Variants in TNPO2 observed in about 807,000 individuals in gnomAD.
TNPO2 encodes the protein transportin-2.
Under a neutral mutation model 111.1 loss-of-function variants are expected in TNPO2, and 16 were observed. The observed-to-expected ratio is 0.14, with a 90% confidence interval of 0.10 to 0.22. The LOEUF (loss-of-function observed/expected upper bound fraction) is 0.22, where lower values mean the gene tolerates loss of function less well. Ranked by LOEUF, TNPO2 falls within the 10% of genes least tolerant of loss-of-function variation. The pLI, the probability that TNPO2 is intolerant of heterozygous loss-of-function variation, is 1.00. For missense variants in TNPO2, 530 were observed against 1,173.7 expected (o/e 0.45, Z 8.01); for synonymous variants, 481 against 475.8 (o/e 1.01, Z -0.14).
intron 3 of TNPO2, among the ~76,000 whole-genome samples, chr19:12,720,401 A>C (rs1322879753): frequency 6.6e-6 from 1 of 151,494 alleles, no homozygotes; most frequent in Non-Finnish European, 1.5e-5. Flanking sequence ...GCTCACCACA[A>C]CCTCTACCTC....
intron 18 of TNPO2, among the ~76,000 whole-genome samples, chr19:12,704,396 G>C (rs1036727608): frequency 3.3e-5 from 5 of 151,738 alleles, no homozygotes; most frequent in East Asian, 1.9e-4. Flanking sequence ...CGGTGGGGGG[G>C]GCATAGTGTT....
chr19:12,715,428 G>A lies in TNPO2; in HGVS notation c.543C>T (p.Phe181=), dbSNP rs1435223822. The A allele has an allele frequency of 6.2e-7, 1 of 1,613,960 alleles. No homozygotes were observed. Among genetic ancestry groups the A allele is most frequent in the Non-Finnish European group, 8.5e-7 (1 of 1,179,870 alleles). The change falls in exon 7 of 26, where the codon TTC becomes TTT. Residue 181 remains phenylalanine, a synonymous_variant. Transcript: ENST00000425528. The surrounding 1 kb of genome is among the most constrained non-coding windows in gnomAD (Gnocchi z 7.1). ...NIMIPKFLQF[F]KHCSPKIRSH... is the part of the protein sequence containing the mutation. ...ACCGGATCTTGGGACTGCAGTGCTT[G>A]AAGAACTGCAGGAACTTGGGGATCA...
At chr19:12,707,307 G>C (rs548430709) in intron 13 of TNPO2, among the ~76,000 whole-genome samples, 1 of 152,066 alleles carries the variant, frequency 6.6e-6, no homozygotes, top group Non-Finnish European at 1.5e-5. Context: ...AAAGAGCTCC[G>C]TGTTATTGCG....
rs1040871835 is a variant in TNPO2 at position 12,715,601 on chromosome 19, C to T, written c.432+32G>A. On this transcript the variant is annotated intron_variant, in intron 6 of 25. Transcript: ENST00000425528. This position sits in a 1 kb window ranked among gnomAD's most constrained non-coding sequence, Gnocchi z 7.1. ...GGGTGGTGGTCCCAGCCCCCCAGTA[C>T]TCGCTCTGGCCATCCATGGCTTCTT... The T allele has an allele frequency of 6.2e-7, 1 of 1,613,672 alleles. No homozygotes were observed. The highest frequency in any genetic ancestry group is 2.2e-5 in the East Asian group (1 of 44,878).
In TNPO2 at chr19:12,706,653, G is replaced by A. The variant is rs191575383; in HGVS notation, c.1413C>T (p.Pro471=). Residue 471 remains proline (P), a synonymous_variant, in exon 14 of 26, where the codon CCC becomes CCT. Coordinates refer to ENST00000425528, the MANE Select transcript of TNPO2 (RefSeq NM_001382241.1). This position sits in a 1 kb window ranked among gnomAD's most constrained non-coding sequence, Gnocchi z 7.0. ...RYAHWVVSQP[P]DMHLKPLMTE... ...TCATCAGGGGCTTGAGGTGCATGTC[G>A]GGTGGCTGGCTGACCACCCAGTGGG... The A allele has an allele frequency of 5.7e-5, 92 of 1,613,918 alleles. No homozygotes were observed. The African/African-American group carries it at 6.0e-4, about 11-fold the overall frequency.
At position 12,708,588 on chromosome 19, in the gene TNPO2, C is replaced by T. The variant is rs186351283; in HGVS notation, c.1271-1793G>A. Among the ~76,000 whole-genome samples, 52 of 151,976 alleles carry T rather than the reference C, an allele frequency of 3.4e-4. No homozygotes were observed. The East Asian group carries it at 6.6e-3, about 19-fold the overall frequency. ...TTTACCATAAACATGTAATACAGGC[C>T]GGGTGCGGTGGCTCACGCCTGTAAT... is the stretch of plus-strand genomic sequence containing the variant. On this transcript the variant is annotated intron_variant, in intron 13 of 25. Coordinates refer to ENST00000425528, the MANE Select transcript of TNPO2 (RefSeq NM_001382241.1).
chr19:12,716,075 T>G (rs763134296), intron 5 of TNPO2, among the ~76,000 whole-genome samples: 19 of 152,082 alleles, frequency 1.2e-4, no homozygotes, highest in Non-Finnish European at 2.5e-4. Flanking sequence ...CTCACTATGT[T>G]GCCCAGGCTG....
At chr19:12,723,743 GGA>G (rs1178954512) in intron 1 of TNPO2, 24 bp downstream of exon 1, 3 of 152,194 alleles carry the variant, frequency 2.0e-5, no homozygotes, top group African/African-American at 7.2e-5. Context: ...CCTGCCTGAA[GGA>G]GGGGAACAGC....
chr19:12,710,519 G>A lies in TNPO2; in HGVS notation c.1270+102C>T, dbSNP rs371515363. 2.0e-4 allele frequency: 266 copies of A among 1,363,380 alleles called. 1 individual carries two copies. In the South Asian group the frequency reaches 3.5e-3, roughly 18 times the overall value. The allele number at this position is 1,363,380 out of a possible 1,614,324, so 84.5% of individuals were successfully genotyped here. On this transcript the variant is annotated intron_variant, in intron 13 of 25. Coordinates refer to ENST00000425528, the MANE Select transcript of TNPO2 (RefSeq NM_001382241.1). ...ATCTCAGAGCTGTTTGGAGTGGGGT[G>A]AGTAGGCCTCCAGGGAGAACTGAGG...
rs754946490 is a variant in TNPO2 at position 12,699,323 on chromosome 19, G to A, written c.*1941C>T. 19 of 421,698 alleles carry A rather than the reference G, an allele frequency of 4.5e-5. No individual in the cohort carries two copies. The highest frequency in any genetic ancestry group is 2.0e-4 in the South Asian group (12 of 58,964). 26.1% of individuals were successfully genotyped at this position (421,698 alleles called of 1,614,324 possible). A position where few individuals can be genotyped will look rare whatever the true frequency, so the allele number is the denominator to read the frequency against. Reference sequence around the variant, plus strand: ...CAGACCCGGGAGCCCGCAGGGGGAAGAGGGTGAGGAGGGAAAGAGGGACTG... The same window carrying A: ...CAGACCCGGGAGCCCGCAGGGGGAAAAGGGTGAGGAGGGAAAGAGGGACTG... On this transcript the variant is annotated 3_prime_UTR_variant, in exon 26 of 26. Transcript: ENST00000425528.
At chr19:12,703,125 G>A (rs1286314033) in intron 20 of TNPO2, 1 of 591,544 alleles carries the variant, frequency 1.7e-6, no homozygotes, top group Non-Finnish European at 3.0e-6. Context: ...AAACAACAGA[G>A]GCTTCTCTGG....
At chr19:12,718,014 G>GT (rs962831259) in intron 5 of TNPO2, among the ~76,000 whole-genome samples, 1 of 150,886 alleles carries the variant, frequency 6.6e-6, no homozygotes, top group East Asian at 2.0e-4. Context: ...ATTTTATTTA[G>GT]TTTTTTTTGA....
rs1040077381 is a variant in TNPO2, at chr19:12,705,736, G to A, written c.1701C>T (p.Ile567=). 1.4e-6 allele frequency: 2 copies of A among 1,476,178 alleles called. No homozygotes were observed. Among genetic ancestry groups the A allele is most frequent in the Non-Finnish European group, 1.8e-6 (2 of 1,109,378 alleles). The allele number at this position is 1,476,178 out of a possible 1,614,324, so 91.4% of individuals were successfully genotyped here. A position where few individuals can be genotyped will look rare whatever the true frequency, so the allele number is the denominator to read the frequency against. The change falls in exon 16 of 26, where the codon ATC becomes ATT. Residue 567 remains isoleucine (I), a synonymous_variant. Coordinates refer to ENST00000425528, the MANE Select transcript of TNPO2 (RefSeq NM_001382241.1). The surrounding 1 kb of genome is among the most constrained non-coding windows in gnomAD (Gnocchi z 7.2). The part of the protein sequence containing the change: ...EYIQKLMPPL[I]QKWNELKDED... ...CGTCCTTGAGCTCATTCCACTTCTGGATCAGTGGGGGCATCAGCTTCTGGA... is the reference window on the plus strand; with the variant it reads ...CGTCCTTGAGCTCATTCCACTTCTGAATCAGTGGGGGCATCAGCTTCTGGA...
rs1485186285 is a variant in TNPO2, at chr19:12,702,391, T to TG, written c.2306-215_2306-214insC. The TG allele has an allele frequency of 3.7e-5, 25 of 681,546 alleles. No homozygotes were observed. In the African/African-American group the frequency reaches 3.8e-4, roughly 10 times the overall value. 42.2% of individuals were successfully genotyped at this position (681,546 alleles called of 1,614,324 possible). A position where few individuals can be genotyped will look rare whatever the true frequency, so the allele number is the denominator to read the frequency against. On this transcript the variant is annotated intron_variant, in intron 21 of 25. Coordinates refer to ENST00000425528, the MANE Select transcript of TNPO2 (RefSeq NM_001382241.1). The surrounding 1 kb of genome is among the most constrained non-coding windows in gnomAD (Gnocchi z 5.5). Reference sequence around the variant, plus strand: ...TTTCCTTTCCCTTTCCTTTTTGTTTTTTTTTGTTTTGTTTTGTTTTTGAGA... The same window carrying TG: ...TTTCCTTTCCCTTTCCTTTTTGTTTTGTTTTTGTTTTGTTTTGTTTTTGAGA...
Position 12,715,833 on chromosome 19 carries a change from T to G in TNPO2, c.326-94A>C. The stretch of plus-strand genomic sequence containing the variant: ...GGACACCCCCAGTGCTGCCTTTCTG[T>G]TCCCTAGCCCATGTACGCCCTCTAC... On this transcript the variant is annotated intron_variant, in intron 5 of 25. Transcript: ENST00000425528. The surrounding 1 kb of genome is among the most constrained non-coding windows in gnomAD (Gnocchi z 7.1). 1 of 979,510 alleles carries G rather than the reference T, an allele frequency of 1.0e-6. No individual in the cohort carries two copies. Among genetic ancestry groups the G allele is most frequent in the Non-Finnish European group, 1.5e-6 (1 of 652,288 alleles). The allele number at this position is 979,510 out of a possible 1,614,324, so 60.7% of individuals were successfully genotyped here. A position where few individuals can be genotyped will look rare whatever the true frequency, so the allele number is the denominator to read the frequency against.
Position 12,702,388 on chromosome 19 carries a change from T to C in TNPO2, c.2306-211A>G, listed in dbSNP as rs530110971. On this transcript the variant is annotated intron_variant, in intron 21 of 25. Coordinates refer to ENST00000425528, the MANE Select transcript of TNPO2 (RefSeq NM_001382241.1). This position sits in a 1 kb window ranked among gnomAD's most constrained non-coding sequence, Gnocchi z 5.5. Reference sequence around the variant, plus strand: ...TTCTTTCCTTTCCCTTTCCTTTTTGTTTTTTTTTGTTTTGTTTTGTTTTTG... The same window carrying C: ...TTCTTTCCTTTCCCTTTCCTTTTTGCTTTTTTTTGTTTTGTTTTGTTTTTG... 3.3e-5 allele frequency: 22 copies of C among 664,580 alleles called. No individual in the cohort carries two copies. Among genetic ancestry groups the C allele is most frequent in the Admixed American group, 2.1e-4 (10 of 47,226 alleles). The allele number at this position is 664,580 out of a possible 1,614,324, so 41.2% of individuals were successfully genotyped here. A position where few individuals can be genotyped will look rare whatever the true frequency, so the allele number is the denominator to read the frequency against.
At position 12,703,710 on chromosome 19, in the gene TNPO2, G is replaced by C. The variant is rs150636988; in HGVS notation, c.2110+4C>G. On this transcript the variant is annotated splice_donor_region_variant and intron_variant, in intron 19 of 25. Transcript: ENST00000425528. ...ATGGGTTAGGGACAAGGCGAGTGTCGTACCGATACAGGGCTTGACATGGAT... is the reference window on the plus strand; with the variant it reads ...ATGGGTTAGGGACAAGGCGAGTGTCCTACCGATACAGGGCTTGACATGGAT... 6 of 1,606,946 alleles carry C rather than the reference G, an allele frequency of 3.7e-6. No individual in the cohort carries two copies. The highest frequency in any genetic ancestry group is 3.3e-5 in the South Asian group (3 of 90,080).
Position 12,715,308 on chromosome 19 carries a change from A to T in TNPO2, c.583T>A (p.Cys195Ser). Residue 195 changes from cysteine (C) to serine (S), a missense_variant, in exon 8 of 26, where the codon TGC becomes AGC. Cys to Ser is a moderately radical substitution (Grantham distance 112). Around this residue, in one of 4 missense-constraint regions of TNPO2, gnomAD observed 156 missense variants for 405.8 expected, o/e 0.38. Transcript: ENST00000425528. This position sits in a 1 kb window ranked among gnomAD's most constrained non-coding sequence, Gnocchi z 7.1. ...CGGTCCATGATGAACTGGTTCACGC[A>T]GGCGATGGCGTGGGACCTGGCGGGG... ...SPKIRSHAIA[C>S]VNQFIMDRAQ... is the part of the protein sequence containing the mutation. 1 of 1,613,698 alleles carries T rather than the reference A, an allele frequency of 6.2e-7. No individual in the cohort carries two copies. Among genetic ancestry groups the T allele is most frequent in the Non-Finnish European group, 8.5e-7 (1 of 1,179,792 alleles).
chr19:12,719,466 A>G lies in TNPO2; in HGVS notation c.100-130T>C, dbSNP rs1425315215. 7 of 757,372 alleles carry G rather than the reference A, an allele frequency of 9.2e-6. No individual in the cohort carries two copies. The East Asian group carries it at 1.9e-4, about 20-fold the overall frequency. The allele number at this position is 757,372 out of a possible 1,614,324, so 46.9% of individuals were successfully genotyped here. On this transcript the variant is annotated intron_variant, in intron 3 of 25. Coordinates refer to ENST00000425528, the MANE Select transcript of TNPO2 (RefSeq NM_001382241.1). The surrounding 1 kb of genome is among the most constrained non-coding windows in gnomAD (Gnocchi z 5.0). ...TCCTGGGGGATCCCGCTCCCTAATA[A>G]GCCCACAATGACACAGAGCACCTCA... is the stretch of plus-strand genomic sequence containing the variant.
Sources: allele counts gnomAD v4.1 joint callset (sites outside exome capture counted in the v4.1 genomes callset), GRCh38; gene constraint gnomAD v4.1.1; regional missense constraint gnomAD v4.1.1; non-coding constraint Gnocchi (gnomAD v3.1); transcripts MANE v1.5; gene names NCBI Gene and HGNC (gene_info 2026-07-23, HGNC 2026-07-21).